Variants in SPHKAP observed in about 807,000 individuals in gnomAD.
SPHKAP encodes SPHK1 interactor, AKAP domain containing, also known as A-kinase anchor protein SPHKAP.
In SPHKAP, 67 loss-of-function variants were observed where a neutral mutation model predicts 137.5. That is an observed-to-expected ratio of 0.49 (90% CI 0.40 to 0.60). The LOEUF (loss-of-function observed/expected upper bound fraction) is 0.60, where lower values mean the gene tolerates loss of function less well. SPHKAP is among the 20% of genes least tolerant of loss of function. The pLI is 0.00. For missense variants in SPHKAP, 2,097 were observed against 2,069.3 expected (o/e 1.01, Z -0.26); for synonymous variants, 813 against 785.3 (o/e 1.04, Z -0.59).
chr2:228,032,643 C>T (rs1322427923), intron 3 of SPHKAP, among the ~76,000 whole-genome samples: 1 of 152,158 alleles, frequency 6.6e-6, no homozygotes, highest in Non-Finnish European at 1.5e-5. Context: ...TCGGGTTACC[C>T]ACAAAGGGAA....
At chr2:228,166,115 T>C (rs1324691406) in intron 1 of SPHKAP, among the ~76,000 whole-genome samples, 1 of 152,066 alleles carries the variant, frequency 6.6e-6, no homozygotes, top group Non-Finnish European at 1.5e-5. Flanking sequence ...AAGAGACAGA[T>C]CTGAGAATCA....
intron 1 of SPHKAP, among the ~76,000 whole-genome samples, chr2:228,160,462 C>T (rs1349223204): frequency 6.6e-6 from 1 of 152,144 alleles, no homozygotes; most frequent in African/African-American, 2.4e-5. Context: ...GAAACATGTC[C>T]TTCTTCACAT....
intron 3 of SPHKAP, among the ~76,000 whole-genome samples, chr2:228,063,064 T>C (rs913385276): frequency 6.6e-6 from 1 of 152,172 alleles, no homozygotes; most frequent in African/African-American, 2.4e-5. Flanking sequence ...GCTTGGCATG[T>C]TAAGTTAGTG....
chr2:228,032,085 A>G (rs1334639004), intron 3 of SPHKAP, among the ~76,000 whole-genome samples: 1 of 152,202 alleles, frequency 6.6e-6, no homozygotes, highest in Non-Finnish European at 1.5e-5. Flanking sequence ...AACTACTCCG[A>G]ACTACAGGAG....
chr2:228,141,034 C>T (rs1334336285), intron 1 of SPHKAP, among the ~76,000 whole-genome samples: 3 of 152,136 alleles, frequency 2.0e-5, no homozygotes, highest in Non-Finnish European at 4.4e-5. Flanking sequence ...TATATTGCTG[C>T]CAAATAACAG....
chr2:228,158,690 T>A (rs1471061649), intron 1 of SPHKAP, among the ~76,000 whole-genome samples: 1 of 152,228 alleles, frequency 6.6e-6, no homozygotes, highest in African/African-American at 2.4e-5. Context: ...TCACTGCAGA[T>A]CTTTCTCTTG....
chr2:228,174,132 C>T (rs1700668768), intron 1 of SPHKAP, among the ~76,000 whole-genome samples: 1 of 152,090 alleles, frequency 6.6e-6, no homozygotes, highest in Non-Finnish European at 1.5e-5. Flanking sequence ...GCTGTCACTC[C>T]CTGTGTTTCC....
chr2:228,074,256 A>C (rs1443782539), intron 3 of SPHKAP, among the ~76,000 whole-genome samples: 1 of 152,244 alleles, frequency 6.6e-6, no homozygotes, highest in Non-Finnish European at 1.5e-5. Flanking sequence ...ATAAATTGAC[A>C]TAATTCCAGA....
chr2:228,045,476 T>C (rs1367035617), intron 3 of SPHKAP, among the ~76,000 whole-genome samples: 1 of 150,372 alleles, frequency 6.7e-6, no homozygotes, highest in Non-Finnish European at 1.5e-5. Context: ...GAAACCATCA[T>C]TCTCAGCAAA....
At chr2:228,114,513 C>T (rs1698643155) in intron 2 of SPHKAP, among the ~76,000 whole-genome samples, 1 of 152,078 alleles carries the variant, frequency 6.6e-6, no homozygotes, top group Admixed American at 6.6e-5. Flanking sequence ...AGTCATTTAA[C>T]TTCTGTGGGA....
chr2:228,080,694 T>A lies in SPHKAP; in HGVS notation c.246+28138A>T, dbSNP rs534195966. Reference sequence around the variant, plus strand: ...TGCACTCCAGCTTGGCCAAAAAGAGTGAAACTCTGTCTCAAAATAAAATAA... The same window carrying A: ...TGCACTCCAGCTTGGCCAAAAAGAGAGAAACTCTGTCTCAAAATAAAATAA... On this transcript the variant is annotated intron_variant, in intron 3 of 11. Coordinates refer to ENST00000392056, the MANE Select transcript of SPHKAP (RefSeq NM_001142644.2). Among the ~76,000 whole-genome samples the A allele has an allele frequency of 1.2e-4, 16 of 137,404 alleles. No individual in the cohort carries two copies. The South Asian group carries it at 3.7e-3, about 32-fold the overall frequency. 90.1% of individuals were successfully genotyped at this position (137,404 alleles called of 152,430 possible).
At chr2:228,125,383 G>C (rs1699042332) in intron 2 of SPHKAP, among the ~76,000 whole-genome samples, 2 of 152,140 alleles carry the variant, frequency 1.3e-5, no homozygotes, top group African/African-American at 4.8e-5. Context: ...TTTAAATAAA[G>C]ATTTCCCTTG....
intron 3 of SPHKAP, among the ~76,000 whole-genome samples, chr2:228,082,456 A>ATTT (rs1553538465): frequency 1.4e-4 from 21 of 152,298 alleles, no homozygotes; most frequent in Admixed American, 5.9e-4. Flanking sequence ...AAGTAGATAA[A>ATTT]GTTGTTATTA....
At chr2:228,153,132 T>C (rs1274803724) in intron 1 of SPHKAP, among the ~76,000 whole-genome samples, 3 of 152,158 alleles carry the variant, frequency 2.0e-5, no homozygotes, top group Non-Finnish European at 4.4e-5. Context: ...TGTGAGTCAA[T>C]TAAACCTCTT....
At chr2:228,143,750 C>T (rs1699680551) in intron 1 of SPHKAP, among the ~76,000 whole-genome samples, 1 of 148,706 alleles carries the variant, frequency 6.7e-6, no homozygotes, top group African/African-American at 2.5e-5. Context: ...AGATGATCTG[C>T]CCGCCTTAGC....
At chr2:228,069,662 C>T (rs182155384) in intron 3 of SPHKAP, among the ~76,000 whole-genome samples, 12 of 151,646 alleles carry the variant, frequency 7.9e-5, no homozygotes, top group Admixed American at 2.6e-4. Context: ...TGTTTGTAAA[C>T]AACTGAAATG....
intron 3 of SPHKAP, among the ~76,000 whole-genome samples, chr2:228,032,257 C>A (rs142089836): frequency 6.6e-6 from 1 of 151,834 alleles, no homozygotes; most frequent in Non-Finnish European, 1.5e-5. Flanking sequence ...GGAGCTGATG[C>A]GATCAACTGG....
At chr2:228,134,097 AAAGG>A (rs749368524) in intron 1 of SPHKAP, among the ~76,000 whole-genome samples, 307 of 142,236 alleles carry the variant, frequency 2.2e-3, no homozygotes, top group Non-Finnish European at 3.3e-3. Context: ...AGAAGTAAAG[AAAGG>A]AAGGAAGGAA....
chr2:228,140,865 C>T (rs1699585480), intron 1 of SPHKAP, among the ~76,000 whole-genome samples: 1 of 152,092 alleles, frequency 6.6e-6, no homozygotes, highest in Admixed American at 6.5e-5. Context: ...TGTCTCCCAT[C>T]ATGATTATAA....
Sources: gnomAD v4.1 joint callset for allele counts (sites outside exome capture counted in the v4.1 genomes callset) on GRCh38, gnomAD v4.1.1 for gene constraint, MANE v1.5 for transcripts, NCBI Gene and HGNC (gene_info 2026-07-23, HGNC 2026-07-21) for gene names.